RALYL: variants seen among roughly 807,000 people sequenced by gnomAD.
RALYL encodes RNA-binding Raly-like protein.
In RALYL, 29 loss-of-function variants were observed where a neutral mutation model predicts 35.1. The ratio of observed to expected loss-of-function variants is 0.83; its 90% confidence interval spans 0.61 to 1.13. The LOEUF is 1.13. Among genes scored for constraint, RALYL ranks in the 50% most tolerant of loss-of-function variants. RALYL has a pLI of 0.00. For synonymous variants in RALYL, 120 were observed against 127.6 expected (o/e 0.94, Z 0.40); for missense variants, 359 against 360.4 (o/e 1.00, Z 0.03).
At chr8:84,646,691 G>A (rs1005220559) in intron 2 of RALYL, among the ~76,000 whole-genome samples, 1 of 151,978 alleles carries the variant, frequency 6.6e-6, no homozygotes, top group African/African-American at 2.4e-5. Context: ...AGTGTTGTGG[G>A]CGGAGGGATT....
chr8:84,251,257 G>A (rs1187215051), intron 1 of RALYL, among the ~76,000 whole-genome samples: 4 of 152,006 alleles, frequency 2.6e-5, no homozygotes, highest in African/African-American at 9.7e-5. Flanking sequence ...AGACCTCAGA[G>A]GAGGACTCAG....
At chr8:84,614,868 C>A (rs533821817) in intron 2 of RALYL, among the ~76,000 whole-genome samples, 29 of 147,512 alleles carry the variant, frequency 2.0e-4, no homozygotes, top group African/African-American at 6.8e-4. Context: ...ACCCACAGAA[C>A]AGTTTCCCCA....
intron 2 of RALYL, among the ~76,000 whole-genome samples, chr8:84,688,529 A>G (rs1837315032): frequency 6.6e-6 from 1 of 152,170 alleles, no homozygotes; most frequent in African/African-American, 2.4e-5. Flanking sequence ...ATGCAGCAGA[A>G]GAAAAAAACT....
chr8:84,279,681 T>A (rs1225389018), intron 1 of RALYL, among the ~76,000 whole-genome samples: 2 of 152,178 alleles, frequency 1.3e-5, no homozygotes, highest in Admixed American at 6.5e-5. Context: ...TTTTTCAGAT[T>A]CTAGAGGCCC....
chr8:84,564,139 C>A lies in RALYL; in HGVS notation c.256+34562C>A, dbSNP rs945056612. On this transcript the variant is annotated intron_variant, in intron 2 of 8. Transcript: ENST00000521268. Reference sequence around the variant, plus strand: ...CTTCTGTCAATTCTAACTTCAATATCATTATACTTAATTTTAAAAGTGGTA... The same window carrying A: ...CTTCTGTCAATTCTAACTTCAATATAATTATACTTAATTTTAAAAGTGGTA... 2.6e-5 allele frequency among the ~76,000 whole-genome samples: 4 copies of A among 151,668 alleles called. No individual in the cohort carries two copies. The South Asian group carries it at 8.3e-4, about 31-fold the overall frequency.
chr8:84,461,310 A>G (rs1001672261), intron 1 of RALYL, among the ~76,000 whole-genome samples: 30 of 151,784 alleles, frequency 2.0e-4, no homozygotes, highest in African/African-American at 7.2e-4. Flanking sequence ...TTTATCTGTT[A>G]TCATAAATAA....
intron 1 of RALYL, among the ~76,000 whole-genome samples, chr8:84,250,329 G>T (rs1829937789): frequency 6.6e-6 from 1 of 151,926 alleles, no homozygotes; most frequent in Admixed American, 6.6e-5. Flanking sequence ...ATATTGAAAT[G>T]CAGTCCAGAG....
chr8:84,538,783 G>A (rs1179105129), intron 2 of RALYL, among the ~76,000 whole-genome samples: 1 of 152,156 alleles, frequency 6.6e-6, no homozygotes, highest in Non-Finnish European at 1.5e-5. Flanking sequence ...TTATGCGCCA[G>A]TTGTGGAGTA....
intron 1 of RALYL, among the ~76,000 whole-genome samples, chr8:84,395,227 G>A (rs1861537152): frequency 6.6e-6 from 1 of 151,664 alleles, no homozygotes; most frequent in Non-Finnish European, 1.5e-5. Flanking sequence ...GAAGATTTAG[G>A]CTTAAAGCAT....
chr8:84,455,170 G>A (rs897535559), intron 1 of RALYL, among the ~76,000 whole-genome samples: 1 of 151,840 alleles, frequency 6.6e-6, no homozygotes, highest in Non-Finnish European at 1.5e-5. Context: ...TGAGTTCATC[G>A]GTCTCCTTTG....
intron 1 of RALYL, among the ~76,000 whole-genome samples, chr8:84,380,643 TAGA>T (rs1857795552): frequency 6.6e-6 from 1 of 151,950 alleles, no homozygotes; most frequent in South Asian, 2.1e-4. Flanking sequence ...TTTGAAATCG[TAGA>T]AGTGGAGAAC....
At chr8:84,488,425 C>T (rs1474725887) in intron 1 of RALYL, among the ~76,000 whole-genome samples, 1 of 152,002 alleles carries the variant, frequency 6.6e-6, no homozygotes, top group Non-Finnish European at 1.5e-5. Context: ...CACAAAAGTT[C>T]CCATTTTCAA....
At chr8:84,437,668 T>G (rs2047889780) in intron 1 of RALYL, among the ~76,000 whole-genome samples, 1 of 152,142 alleles carries the variant, frequency 6.6e-6, no homozygotes. Flanking sequence ...TTCCTAGTGC[T>G]GGAGGTGGGG....
At chr8:84,366,636 G>A (rs1485064481) in intron 1 of RALYL, among the ~76,000 whole-genome samples, 1 of 151,656 alleles carries the variant, frequency 6.6e-6, no homozygotes, top group Non-Finnish European at 1.5e-5. Context: ...TTAGTTGGAT[G>A]TGGTGGCTTG....
chr8:84,821,830 G>A (rs866666949), intron 4 of RALYL, among the ~76,000 whole-genome samples: 1 of 152,096 alleles, frequency 6.6e-6, no homozygotes, highest in African/African-American at 2.4e-5. Context: ...AAGAAAAAAT[G>A]CATTGAGTGG....
At chr8:84,523,484 A>G (rs1024795374) in intron 1 of RALYL, among the ~76,000 whole-genome samples, 1 of 151,712 alleles carries the variant, frequency 6.6e-6, no homozygotes, top group Admixed American at 6.6e-5. Context: ...GTTTTTTGAT[A>G]TTTCTGTTGT....
At chr8:84,622,446 G>C (rs1475254357) in intron 2 of RALYL, among the ~76,000 whole-genome samples, 1 of 152,132 alleles carries the variant, frequency 6.6e-6, no homozygotes, top group Admixed American at 6.5e-5. Context: ...AAAAATTTTG[G>C]AATCTTATCT....
At chr8:84,243,005 T>C (rs1176418970) in intron 1 of RALYL, among the ~76,000 whole-genome samples, 2 of 152,184 alleles carry the variant, frequency 1.3e-5, no homozygotes, top group Admixed American at 1.3e-4. Context: ...CCATCTTGAG[T>C]TAACTTTTAT....
At chr8:84,292,638 G>A (rs1167253507) in intron 1 of RALYL, among the ~76,000 whole-genome samples, 1 of 152,060 alleles carries the variant, frequency 6.6e-6, no homozygotes, top group Non-Finnish European at 1.5e-5. Context: ...CCAAACTGGC[G>A]ACGAGAGTGA....
Sources: gnomAD v4.1 joint callset for allele counts (sites outside exome capture counted in the v4.1 genomes callset) on GRCh38, gnomAD v4.1.1 for gene constraint, MANE v1.5 for transcripts, NCBI Gene and HGNC (gene_info 2026-07-23, HGNC 2026-07-21) for gene names.